ILRUN: variants seen among roughly 807,000 people sequenced by gnomAD.
ILRUN encodes inflammation and lipid regulator with UBA-like and NBR1-like domains.
ILRUN carries 3 observed loss-of-function variants against 33.8 expected under a neutral mutation model. The observed-to-expected ratio is 0.09, with a 90% confidence interval of 0.04 to 0.23. The LOEUF (loss-of-function observed/expected upper bound fraction) is 0.23, where lower values mean the gene tolerates loss of function less well. Among genes scored for constraint, ILRUN ranks in the 10% least tolerant of loss-of-function variants. The pLI, the probability that ILRUN is intolerant of heterozygous loss-of-function variation, is 1.00. For missense variants in ILRUN, 210 were observed against 375.1 expected, an observed-to-expected ratio of 0.56 and a Z score of 3.64; for synonymous variants, 124 against 138.9, an observed-to-expected ratio of 0.89 and a Z score of 0.75.
intron 1 of ILRUN, among the ~76,000 whole-genome samples, chr6:34,695,046 G>A (rs1035577220): frequency 6.4e-5 from 5 of 77,800 alleles, no homozygotes; most frequent in Admixed American, 3.8e-4. Context: ...GCGAGACTCC[G>A]TCTCAAAAAA....
chr6:34,682,924 A>T (rs1443289634), intron 1 of ILRUN, among the ~76,000 whole-genome samples: 2 of 149,392 alleles, frequency 1.3e-5, no homozygotes, highest in African/African-American at 5.0e-5. Flanking sequence ...AAAGTTAAAA[A>T]AAAAATCCAG....
At chr6:34,593,497 A>G (rs1445859657) in intron 4 of ILRUN, among the ~76,000 whole-genome samples, 1 of 152,188 alleles carries the variant, frequency 6.6e-6, no homozygotes, top group African/African-American at 2.4e-5. Flanking sequence ...AGACGTGTGC[A>G]TTTTCAGATT....
intron 2 of ILRUN, among the ~76,000 whole-genome samples, chr6:34,647,496 A>G (rs1328392806): frequency 6.6e-6 from 1 of 152,130 alleles, no homozygotes; most frequent in Non-Finnish European, 1.5e-5. Flanking sequence ...AGTTGGAGGT[A>G]CTTGCGGATA....
chr6:34,672,565 T>A (rs1222634215), intron 1 of ILRUN, among the ~76,000 whole-genome samples: 1 of 152,050 alleles, frequency 6.6e-6, no homozygotes, highest in Non-Finnish European at 1.5e-5. Context: ...AAAATTTTTT[T>A]TAAATAGGTG....
chr6:34,667,690 C>T (rs751281214), intron 1 of ILRUN, among the ~76,000 whole-genome samples: 12 of 152,108 alleles, frequency 7.9e-5, no homozygotes, highest in Admixed American at 1.3e-4. Flanking sequence ...CCTGATGTGA[C>T]GCAATAGAAG....
At chr6:34,663,531 G>A (rs1043055201) in intron 1 of ILRUN, among the ~76,000 whole-genome samples, 5 of 152,118 alleles carry the variant, frequency 3.3e-5, no homozygotes, top group Admixed American at 3.3e-4. Context: ...GAGAGAGAGA[G>A]AGACAGACAG....
rs1562011013 is a variant in ILRUN at position 34,633,878 on chromosome 6, AGAGAGGGAGG to A, written c.511+12713_511+12722del. 1.3e-3 allele frequency among the ~76,000 whole-genome samples: 91 copies of A among 71,422 alleles called. 2 individuals carry two copies. The highest frequency in any genetic ancestry group is 6.3e-3 in the African/African-American group (87 of 13,760). 46.9% of individuals were successfully genotyped at this position (71,422 alleles called of 152,430 possible). On this transcript the variant is annotated intron_variant, in intron 3 of 4. Transcript: ENST00000374023. ...GGGGAGGGGAGGGAGACATGGAGGGAGAGAGGGAGGGAGGGAGGGAGGGAGGGAGGGAGGG... is the reference window on the plus strand; with the variant it reads ...GGGGAGGGGAGGGAGACATGGAGGGAGAGGGAGGGAGGGAGGGAGGGAGGG...
intron 4 of ILRUN, among the ~76,000 whole-genome samples, chr6:34,605,571 G>T (rs185604957): frequency 8.5e-5 from 13 of 152,278 alleles, no homozygotes; most frequent in African/African-American, 3.1e-4. Flanking sequence ...GGAGGTTGCA[G>T]TCAGCCGAGA....
rs1761221863 is a variant in ILRUN at position 34,587,740 on chromosome 6, C to T, written c.*2825G>A. The T allele has an allele frequency of 4.2e-6, 1 of 236,980 alleles. No homozygotes were observed. 14.7% of individuals were successfully genotyped at this position (236,980 alleles called of 1,614,324 possible). ...GCTGACTGCTTCTTGTAGAAAAATG[C>T]CCCAAATTCAACTGTCCTCACGGCA... On this transcript the variant is annotated 3_prime_UTR_variant, in exon 5 of 5. Transcript: ENST00000374023.
At chr6:34,623,423 T>A (rs1329668457) in intron 3 of ILRUN, among the ~76,000 whole-genome samples, 1 of 152,102 alleles carries the variant, frequency 6.6e-6, no homozygotes, top group Non-Finnish European at 1.5e-5. Flanking sequence ...GTTTTGAGAG[T>A]TCCACTAATC....
At chr6:34,653,439 T>C (rs540482890) in intron 2 of ILRUN, among the ~76,000 whole-genome samples, 1 of 152,158 alleles carries the variant, frequency 6.6e-6, no homozygotes, top group East Asian at 1.9e-4. Context: ...TTGGCCCAAC[T>C]GGTCTCCAAC....
intron 1 of ILRUN, among the ~76,000 whole-genome samples, chr6:34,662,123 TCAAAAAAAAAAAAAAAAA>T: frequency 3.1e-5 from 1 of 31,810 alleles, no homozygotes; most frequent in Non-Finnish European, 5.9e-5. Flanking sequence ...AGACTCCGTC[TCAAAAAAAAAAAAAAAAA>T]AAAAAAAAAA....
At chr6:34,661,406 A>T (rs1430423814) in intron 1 of ILRUN, among the ~76,000 whole-genome samples, 1 of 152,202 alleles carries the variant, frequency 6.6e-6, no homozygotes, top group Non-Finnish European at 1.5e-5. Flanking sequence ...ACACTCTACA[A>T]TTCTTTAAAA....
rs191300162 is a variant in ILRUN at position 34,675,417 on chromosome 6, C to G, written c.159-20638G>C. On this transcript the variant is annotated intron_variant, in intron 1 of 4. Coordinates refer to ENST00000374023, the MANE Select transcript of ILRUN (RefSeq NM_024294.4). ...ATTTTTCAATAAATGGGAAAACTGA[C>G]TAATCATCTGGAAAACATGTTAAGG... Among the ~76,000 whole-genome samples the G allele has an allele frequency of 2.0e-3, 308 of 152,082 alleles. 1 individual carries two copies. The highest frequency in any genetic ancestry group is 7.0e-3 in the African/African-American group (289 of 41,492).
intron 4 of ILRUN, among the ~76,000 whole-genome samples, chr6:34,603,963 G>A (rs1242022994): frequency 6.6e-6 from 1 of 152,078 alleles, no homozygotes; most frequent in Non-Finnish European, 1.5e-5. Context: ...ATGCCTTCAG[G>A]GAACCTGCTC....
chr6:34,612,116 C>T (rs995423988), intron 3 of ILRUN, among the ~76,000 whole-genome samples: 1 of 152,142 alleles, frequency 6.6e-6, no homozygotes, highest in African/African-American at 2.4e-5. Context: ...AGGAGATTTT[C>T]TTTTAAAGCA....
At chr6:34,629,235 C>T (rs147870375) in intron 3 of ILRUN, among the ~76,000 whole-genome samples, 2 of 152,338 alleles carry the variant, frequency 1.3e-5, no homozygotes, top group Non-Finnish European at 1.5e-5. Flanking sequence ...CTTTCACAGA[C>T]AAAAGCCTAT....
chr6:34,662,597 C>T (rs1473498408), intron 1 of ILRUN, among the ~76,000 whole-genome samples: 2 of 152,266 alleles, frequency 1.3e-5, no homozygotes, highest in African/African-American at 2.4e-5. Context: ...CATAACATTA[C>T]GGATGAACCT....
chr6:34,616,908 T>A, intron 3 of ILRUN: 1 of 617,332 alleles, frequency 1.6e-6, no homozygotes, highest in Admixed American at 1.9e-5. Context: ...TCAATTAACA[T>A]GCTGAGGATT....
Sources: allele counts gnomAD v4.1 joint callset (sites outside exome capture counted in the v4.1 genomes callset), GRCh38; gene constraint gnomAD v4.1.1; transcripts MANE v1.5; gene names NCBI Gene and HGNC (gene_info 2026-07-23, HGNC 2026-07-21).